The following TMEM168 variants were observed in gnomAD, a reference collection of about 807,000 sequenced individuals.
The protein encoded by TMEM168 is transmembrane protein 168.
Under a neutral mutation model 53.2 loss-of-function variants are expected in TMEM168, and 40 were observed. The observed-to-expected ratio is 0.75, with a 90% CI of 0.58 to 0.98. The LOEUF is 0.98. Ranked by LOEUF, TMEM168 falls within the 50% of genes least tolerant of loss-of-function variation. The pLI is 0.00. For synonymous variants in TMEM168, 282 were observed against 293.0 expected, an observed-to-expected ratio of 0.96 and a Z score of 0.38; for missense variants, 771 against 828.8, an observed-to-expected ratio of 0.93 and a Z score of 0.86.
intron 2 of TMEM168, among the ~76,000 whole-genome samples, chr7:112,781,829 C>T (rs1032176861): frequency 6.6e-6 from 1 of 151,898 alleles, no homozygotes; most frequent in South Asian, 2.1e-4. Context: ...GCAAAGAATT[C>T]TTAGATAAGA....
intron 2 of TMEM168, among the ~76,000 whole-genome samples, chr7:112,777,842 T>G (rs1464057161): frequency 6.6e-6 from 1 of 151,562 alleles, no homozygotes; most frequent in East Asian, 1.9e-4. Context: ...ACCTAAAGAT[T>G]TTTTTCTGTT....
intron 1 of TMEM168, among the ~76,000 whole-genome samples, chr7:112,787,522 C>T (rs1001381173): frequency 1.3e-5 from 2 of 152,060 alleles, no homozygotes; most frequent in African/African-American, 4.8e-5. Flanking sequence ...TCAAGTGATT[C>T]TCCTGCCTCA....
intron 1 of TMEM168, among the ~76,000 whole-genome samples, chr7:112,785,272 C>A (rs1294701701): frequency 6.6e-6 from 1 of 152,148 alleles, no homozygotes; most frequent in Non-Finnish European, 1.5e-5. Context: ...GTGAAATGTT[C>A]GCTTTAGCTT....
In TMEM168 at chr7:112,767,322, A is replaced by G. The variant is rs141337289; in HGVS notation, c.1969T>C (p.Leu657=). Residue 657 remains leucine, a synonymous_variant, in exon 5 of 5, where the codon TTA becomes CTA. Transcript: ENST00000312814. ...TYPLVHLANW[L]CGLNLFWICK... is the part of the protein sequence containing the mutation. Reference sequence around the variant, plus strand: ...ATCCAAAAAAGGTTCAGACCGCATAACCAATTTGCCAAATGCACTAGGGGA... The same window carrying G: ...ATCCAAAAAAGGTTCAGACCGCATAGCCAATTTGCCAAATGCACTAGGGGA... 3.3e-4 allele frequency: 540 copies of G among 1,614,184 alleles called. 1 individual carries two copies. Among genetic ancestry groups the G allele is most frequent in the East Asian group, 8.7e-4 (39 of 44,884 alleles).
At chr7:112,776,312 G>A (rs1793082512) in intron 2 of TMEM168, among the ~76,000 whole-genome samples, 3 of 151,640 alleles carry the variant, frequency 2.0e-5, no homozygotes, top group African/African-American at 7.3e-5. Context: ...ATAAGGAGGA[G>A]GCAATCAGGT....
chr7:112,769,553 TCAA>T (rs1342272463), intron 4 of TMEM168, among the ~76,000 whole-genome samples: 30 of 117,846 alleles, frequency 2.5e-4, no homozygotes, highest in Admixed American at 2.3e-3. Flanking sequence ...TCTTTAGATA[TCAA>T]CGAGACCTAA....
In TMEM168 at chr7:112,763,287, T is replaced by C. The variant is rs1438517507; in HGVS notation, c.*3910A>G. The C allele has an allele frequency of 1.3e-5, 2 of 152,166 alleles. No homozygotes were observed. Among genetic ancestry groups the C allele is most frequent in the African/African-American group, 4.8e-5 (2 of 41,456 alleles). 9.4% of individuals were successfully genotyped at this position (152,166 alleles called of 1,614,324 possible). The stretch of plus-strand genomic sequence containing the variant: ...TTCTGTAAGTTTTTTACTAAATTAC[T>C]TGCTTAATGAAGATCTTGAAATAAT... On this transcript the variant is annotated 3_prime_UTR_variant, in exon 5 of 5. Coordinates refer to ENST00000312814, the MANE Select transcript of TMEM168 (RefSeq NM_022484.6).
At chr7:112,781,349 C>A (rs945323343) in intron 2 of TMEM168, among the ~76,000 whole-genome samples, 2 of 152,120 alleles carry the variant, frequency 1.3e-5, no homozygotes, top group African/African-American at 2.4e-5. Flanking sequence ...ACATGCCATG[C>A]CACAAAACAA....
rs1044526658 is a variant in TMEM168, at chr7:112,766,994, T to G, written c.*203A>C. ...TCTCTTATGCATTTACAGTAAGCATTTGACTCCCTACATACTTTCATTATA... is the reference window on the plus strand; with the variant it reads ...TCTCTTATGCATTTACAGTAAGCATGTGACTCCCTACATACTTTCATTATA... On this transcript the variant is annotated 3_prime_UTR_variant, in exon 5 of 5. Coordinates refer to ENST00000312814, the MANE Select transcript of TMEM168 (RefSeq NM_022484.6). The G allele has an allele frequency of 7.2e-6, 4 of 554,630 alleles. No individual in the cohort carries two copies. Among genetic ancestry groups the G allele is most frequent in the South Asian group, 5.1e-5 (2 of 38,974 alleles). 34.4% of individuals were successfully genotyped at this position (554,630 alleles called of 1,614,324 possible).
chr7:112,768,880 C>CTT (rs1236641154), intron 4 of TMEM168, among the ~76,000 whole-genome samples: 1 of 152,028 alleles, frequency 6.6e-6, no homozygotes, highest in Non-Finnish European at 1.5e-5. Flanking sequence ...AGGAGGAAAT[C>CTT]TTATAACAAA....
chr7:112,772,668 G>A, intron 4 of TMEM168, 113 bp downstream of exon 4: 1 of 1,229,742 alleles, frequency 8.1e-7, no homozygotes, highest in South Asian at 1.5e-5. Flanking sequence ...AGAGTCATAT[G>A]CATAGTTCAG....
chr7:112,785,401 TA>T (rs1243788168), intron 1 of TMEM168, among the ~76,000 whole-genome samples: 1 of 152,212 alleles, frequency 6.6e-6, no homozygotes, highest in Non-Finnish European at 1.5e-5. Context: ...CAGCAACCAT[TA>T]CGACCTGCCA....
Position 112,767,471 on chromosome 7 carries a change from T to C in TMEM168, c.1820A>G (p.Glu607Gly). The C allele has an allele frequency of 6.2e-7, 1 of 1,614,182 alleles. No homozygotes were observed. The highest frequency in any genetic ancestry group is 8.5e-7 in the Non-Finnish European group (1 of 1,180,022). ...CNSSNNICWTEKGRTVKAVYG... is the reference protein window; with the variant it reads ...CNSSNNICWTGKGRTVKAVYG... ...TACTGCTTTCACTGTGCGTCCCTTT[T>C]CAGTCCAGCAGATGTTATTACTGGA... The change falls in exon 5 of 5, where the codon GAA (glutamate) becomes GGA (glycine). Residue 607 changes from glutamate to glycine, a missense_variant. By Grantham distance (98) the Glu-to-Gly change is moderately conservative. Transcript: ENST00000312814.
chr7:112,786,798 C>T (rs1793393567), intron 1 of TMEM168, among the ~76,000 whole-genome samples: 1 of 152,094 alleles, frequency 6.6e-6, no homozygotes, highest in Non-Finnish European at 1.5e-5. Context: ...AACATTCTTC[C>T]CCATTCTTGT....
In TMEM168 at chr7:112,786,158, C is replaced by T. The variant is rs144039872; in HGVS notation, c.-128-1205G>A. On this transcript the variant is annotated intron_variant, in intron 1 of 4. Transcript: ENST00000312814. ...CGGAGGTTGCAGTGAGCGGAGATCA[C>T]GCCACTGGACTCCAGCCTGGGGGAT... Among the ~76,000 whole-genome samples, 1,372 of 152,196 alleles carry T rather than the reference C, an allele frequency of 9.0e-3. 20 individuals carry two copies. Among genetic ancestry groups the T allele is most frequent in the African/African-American group, 0.031 (1,300 of 41,528 alleles).
At chr7:112,779,915 G>T (rs780692071) in intron 2 of TMEM168, among the ~76,000 whole-genome samples, 21 of 152,074 alleles carry the variant, frequency 1.4e-4, no homozygotes, top group Non-Finnish European at 3.1e-4. Context: ...AACATACATA[G>T]AAGTCTAAAG....
intron 1 of TMEM168, among the ~76,000 whole-genome samples, chr7:112,787,714 T>C (rs1162138156): frequency 1.0e-4 from 1 of 9,782 alleles, no homozygotes; most frequent in East Asian, 1.9e-3. Flanking sequence ...GCGACTGGCA[T>C]TTTTTTTTTT....
At chr7:112,781,227 A>G (rs1034315301) in intron 2 of TMEM168, among the ~76,000 whole-genome samples, 4 of 152,146 alleles carry the variant, frequency 2.6e-5, no homozygotes, top group African/African-American at 9.7e-5. Flanking sequence ...GAAAATTAAC[A>G]AGGCTATAGA....
chr7:112,787,403 G>A (rs528769996), intron 1 of TMEM168, among the ~76,000 whole-genome samples: 26 of 152,038 alleles, frequency 1.7e-4, no homozygotes, highest in African/African-American at 5.1e-4. Context: ...AAGGGGGGAC[G>A]GAGTCTCGCT....
Sources: allele counts gnomAD v4.1 joint callset (sites outside exome capture counted in the v4.1 genomes callset), GRCh38; gene constraint gnomAD v4.1.1; transcripts MANE v1.5; gene names NCBI Gene and HGNC (gene_info 2026-07-23, HGNC 2026-07-21).